Variants in DENND5A observed in about 807,000 individuals in gnomAD.
DENND5A encodes DENN domain containing 5A.
Under a neutral mutation model 140.3 loss-of-function variants are expected in DENND5A, and 64 were observed. The observed-to-expected ratio is 0.46, with a 90% CI of 0.37 to 0.56. The LOEUF is 0.56. Ranked by LOEUF, DENND5A falls within the 20% of genes least tolerant of loss-of-function variation. The probability of loss-of-function intolerance (pLI) is 0.00; values close to 1 mark genes in which losing one functional copy is unlikely to be tolerated. For missense variants in DENND5A, 1,292 were observed against 1,593.8 expected (o/e 0.81, Z 3.22); for synonymous variants, 605 against 607.7 (o/e 1.00, Z 0.07).
In DENND5A at chr11:9,192,062, G is replaced by A. The variant is rs140813849; in HGVS notation, c.1137+1432C>T. 1.1e-4 allele frequency among the ~76,000 whole-genome samples: 16 copies of A among 151,938 alleles called. No individual in the cohort carries two copies. In the East Asian group the frequency reaches 2.5e-3, roughly 24 times the overall value. ...CTTGTTCCACCCCAAAGAGCACAAC[G>A]CTCTATAAAGTCAAAGAAGAAAAAA... On this transcript the variant is annotated intron_variant, in intron 5 of 22. Coordinates refer to ENST00000328194, the MANE Select transcript of DENND5A (RefSeq NM_015213.4).
intron 13 of DENND5A, 59 bp from the exon 14 acceptor site, chr11:9,150,823 C>A (rs1347354594): frequency 2.9e-6 from 3 of 1,033,824 alleles, no homozygotes; most frequent in African/African-American, 3.2e-5. Context: ...AGCTGACTGC[C>A]CTTCCCTTAC....
intron 1 of DENND5A, among the ~76,000 whole-genome samples, chr11:9,243,053 A>G (rs372267355): frequency 2.2e-5 from 3 of 135,102 alleles, no homozygotes; most frequent in East Asian, 4.5e-4. Context: ...GCACCACTGC[A>G]CTCCAGCCTG....
At chr11:9,176,187 A>G (rs1848540287) in intron 8 of DENND5A, among the ~76,000 whole-genome samples, 1 of 152,260 alleles carries the variant, frequency 6.6e-6, no homozygotes, top group Admixed American at 6.5e-5. Context: ...TGAACTAGAA[A>G]ATGTAAGACT....
At chr11:9,150,433 C>G (rs1847577260) in intron 14 of DENND5A, among the ~76,000 whole-genome samples, 1 of 152,198 alleles carries the variant, frequency 6.6e-6, no homozygotes, top group Non-Finnish European at 1.5e-5. Context: ...AAAAGCCAGG[C>G]TAACTCTGAG....
At chr11:9,151,099 C>T (rs1847600855) in intron 13 of DENND5A, among the ~76,000 whole-genome samples, 1 of 152,184 alleles carries the variant, frequency 6.6e-6, no homozygotes, top group Admixed American at 6.5e-5. Flanking sequence ...GGAACACAGA[C>T]CTCCTGGCTC....
chr11:9,154,048 G>A (rs1016212893), intron 12 of DENND5A, among the ~76,000 whole-genome samples: 6 of 152,096 alleles, frequency 3.9e-5, no homozygotes, highest in Admixed American at 3.9e-4. Flanking sequence ...TAATATAAAG[G>A]TGGTATGTTT....
At chr11:9,174,850 T>C (rs930251255) in intron 8 of DENND5A, among the ~76,000 whole-genome samples, 4 of 152,106 alleles carry the variant, frequency 2.6e-5, no homozygotes, top group Non-Finnish European at 5.9e-5. Flanking sequence ...ACTAGTAAGA[T>C]CCTTAACTGC....
intron 1 of DENND5A, among the ~76,000 whole-genome samples, chr11:9,252,718 G>A (rs983043665): frequency 2.0e-5 from 3 of 152,146 alleles, no homozygotes; most frequent in Admixed American, 6.5e-5. Context: ...CTTTCTCACT[G>A]GACATTAGGC....
intron 10 of DENND5A, among the ~76,000 whole-genome samples, chr11:9,167,665 T>C (rs1236458569): frequency 1.3e-5 from 2 of 151,888 alleles, no homozygotes; most frequent in African/African-American, 4.8e-5. Flanking sequence ...TAGCCAGGAA[T>C]GGTGGCGTGT....
intron 12 of DENND5A, among the ~76,000 whole-genome samples, chr11:9,160,381 G>C (rs1002425861): frequency 6.6e-6 from 1 of 152,120 alleles, no homozygotes; most frequent in Non-Finnish European, 1.5e-5. Context: ...GTGTATGACT[G>C]GTACTTCCTG....
intron 11 of DENND5A, among the ~76,000 whole-genome samples, chr11:9,162,325 G>A (rs554217696): frequency 1.5e-5 from 2 of 132,924 alleles, no homozygotes; most frequent in South Asian, 2.6e-4. Flanking sequence ...TGCAACCTCC[G>A]CCTCCCCGGT....
At chr11:9,256,634 A>C (rs1388805881) in intron 1 of DENND5A, among the ~76,000 whole-genome samples, 1 of 152,230 alleles carries the variant, frequency 6.6e-6, no homozygotes, top group African/African-American at 2.4e-5. Context: ...AGAAGCCAGT[A>C]ACAAGAGACC....
chr11:9,170,517 C>A, intron 9 of DENND5A, 110 bp downstream of exon 9: 1 of 1,351,390 alleles, frequency 7.4e-7, no homozygotes, highest in South Asian at 1.4e-5. Context: ...TTCTCCATAT[C>A]TGCTTTAGAA....
chr11:9,179,594 G>C (rs1034199447), intron 6 of DENND5A, among the ~76,000 whole-genome samples: 2 of 150,616 alleles, frequency 1.3e-5, no homozygotes, highest in African/African-American at 4.9e-5. Context: ...CTGCCTCCCA[G>C]GTTCAAGTGA....
intron 8 of DENND5A, among the ~76,000 whole-genome samples, chr11:9,172,773 TA>T (rs1848413278): frequency 6.6e-6 from 1 of 152,148 alleles, no homozygotes; most frequent in Non-Finnish European, 1.5e-5. Context: ...AGCATGAGAA[TA>T]AACTAATTAT....
chr11:9,233,385 C>T (rs1176846969), intron 1 of DENND5A, among the ~76,000 whole-genome samples: 34 of 136,484 alleles, frequency 2.5e-4, no homozygotes, highest in African/African-American at 9.1e-4. Flanking sequence ...GGCGACAGAG[C>T]GAGACTCTGT....
chr11:9,147,090 G>A lies in DENND5A; in HGVS notation c.2797C>T (p.His933Tyr). The A allele has an allele frequency of 6.2e-7, 1 of 1,614,088 alleles. No homozygotes were observed. ...CDDEKEQFLYHLLSFNAVDYF... is the reference protein window; with the variant it reads ...CDDEKEQFLYYLLSFNAVDYF... ...TCGACGGCATTGAAAGACAGGAGGT[G>A]ATAGAGGAACTGCTCCTTCTCGTCA... Residue 933 changes from histidine (H) to tyrosine (Y), a missense_variant, in exon 16 of 23, where the codon CAC becomes TAC. By Grantham distance (83) the His-to-Tyr change is moderately conservative. Transcript: ENST00000328194.
intron 1 of DENND5A, among the ~76,000 whole-genome samples, chr11:9,217,049 C>T (rs140667572): frequency 2.0e-5 from 3 of 151,934 alleles, no homozygotes; most frequent in South Asian, 2.1e-4. Context: ...AAAATAAATA[C>T]GAAAGAATCA....
At chr11:9,148,462 A>G (rs1847503742) in intron 15 of DENND5A, among the ~76,000 whole-genome samples, 1 of 152,218 alleles carries the variant, frequency 6.6e-6, no homozygotes, top group Non-Finnish European at 1.5e-5. Context: ...GACAGCCATG[A>G]CCAACTTCAG....
Sources: allele counts gnomAD v4.1 joint callset (sites outside exome capture counted in the v4.1 genomes callset), GRCh38; gene constraint gnomAD v4.1.1; transcripts MANE v1.5; gene names NCBI Gene and HGNC (gene_info 2026-07-23, HGNC 2026-07-21).